Variants in IL21R observed in about 807,000 individuals in gnomAD.
IL21R encodes the protein interleukin-21 receptor.
In IL21R, 14 loss-of-function variants were observed where a neutral mutation model predicts 41.3. The observed-to-expected ratio is 0.34, with a 90% CI of 0.22 to 0.53. The LOEUF (loss-of-function observed/expected upper bound fraction) is 0.53, where lower values mean the gene tolerates loss of function less well. IL21R is among the 20% of genes least tolerant of loss of function. The pLI, the probability that IL21R is intolerant of heterozygous loss-of-function variation, is 0.94. For missense variants in IL21R, 588 were observed against 681.6 expected (o/e 0.86, Z 1.53); for synonymous variants, 286 against 287.6 (o/e 0.99, Z 0.05).
In IL21R at chr16:27,451,428, G is replaced by C. The variant is rs1030143733; in HGVS notation, c.*2145G>C. The C allele has an allele frequency of 2.7e-5, 6 of 221,548 alleles. No individual in the cohort carries two copies. Among genetic ancestry groups the C allele is most frequent in the Non-Finnish European group, 5.4e-5 (6 of 110,684 alleles). The allele number at this position is 221,548 out of a possible 1,614,324, so 13.7% of individuals were successfully genotyped here. On this transcript the variant is annotated 3_prime_UTR_variant, in exon 9 of 9. Coordinates refer to ENST00000337929, the MANE Select transcript of IL21R (RefSeq NM_181078.3). Reference sequence around the variant, plus strand: ...AAACACAGAGGAGCAAAGTTGGAGGGCCGGGCGTAGTGGCTCACACCTGTG... The same window carrying C: ...AAACACAGAGGAGCAAAGTTGGAGGCCCGGGCGTAGTGGCTCACACCTGTG...
chr16:27,422,034 TA>T (rs2087008105), intron 1 of IL21R, among the ~76,000 whole-genome samples: 1 of 152,098 alleles, frequency 6.6e-6, no homozygotes, highest in African/African-American at 2.4e-5. Context: ...ACCTTACTTT[TA>T]TTTTTTAAGA....
intron 1 of IL21R, among the ~76,000 whole-genome samples, chr16:27,407,103 C>A (rs977153371): frequency 3.3e-5 from 5 of 152,180 alleles, no homozygotes; most frequent in Non-Finnish European, 5.9e-5. Flanking sequence ...AAAGCAGGAC[C>A]TCTTAGGGGC....
chr16:27,413,872 T>C (rs1187929773), intron 1 of IL21R, among the ~76,000 whole-genome samples: 7 of 151,984 alleles, frequency 4.6e-5, no homozygotes, highest in African/African-American at 1.7e-4. Flanking sequence ...TCAATTTTGC[T>C]GATTGTTAGA....
intron 3 of IL21R, among the ~76,000 whole-genome samples, chr16:27,436,593 A>C (rs1016022127): frequency 6.6e-6 from 1 of 152,206 alleles, no homozygotes; most frequent in Non-Finnish European, 1.5e-5. Context: ...TAGGTAGGGA[A>C]ATTAATATCC....
intron 2 of IL21R, among the ~76,000 whole-genome samples, chr16:27,433,647 C>T (rs951721750): frequency 5.9e-5 from 9 of 152,106 alleles, no homozygotes; most frequent in Admixed American, 2.0e-4. Flanking sequence ...GTTTGGGGAG[C>T]AGGATGGAAA....
At chr16:27,412,891 A>G (rs529779434) in intron 1 of IL21R, among the ~76,000 whole-genome samples, 1 of 152,264 alleles carries the variant, frequency 6.6e-6, no homozygotes, top group Admixed American at 6.5e-5. Flanking sequence ...AGGGTTTCCT[A>G]CATATAAAAT....
At chr16:27,432,449 C>T (rs2087190946) in intron 2 of IL21R, among the ~76,000 whole-genome samples, 1 of 152,192 alleles carries the variant, frequency 6.6e-6, no homozygotes, top group African/African-American at 2.4e-5. Context: ...GGGGTACTGA[C>T]AGGGCATTTT....
At chr16:27,411,711 G>T (rs567304831) in intron 1 of IL21R, among the ~76,000 whole-genome samples, 1 of 151,956 alleles carries the variant, frequency 6.6e-6, no homozygotes, top group Non-Finnish European at 1.5e-5. Flanking sequence ...TGATTCGCCC[G>T]CCTCGGCCTC....
At chr16:27,421,996 T>C (rs1027107130) in intron 1 of IL21R, among the ~76,000 whole-genome samples, 6 of 152,116 alleles carry the variant, frequency 3.9e-5, no homozygotes, top group African/African-American at 1.4e-4. Flanking sequence ...TTAACTGTAA[T>C]ATTTTTATAG....
chr16:27,432,283 G>C (rs1355204798), intron 2 of IL21R, among the ~76,000 whole-genome samples: 1 of 152,242 alleles, frequency 6.6e-6, no homozygotes, highest in Non-Finnish European at 1.5e-5. Flanking sequence ...ACAGCCTCTA[G>C]GGCAAGCAGT....
At chr16:27,410,529 A>G (rs575599450) in intron 1 of IL21R, among the ~76,000 whole-genome samples, 4 of 152,334 alleles carry the variant, frequency 2.6e-5, no homozygotes, top group Non-Finnish European at 5.9e-5. Flanking sequence ...AGAAATAGCT[A>G]TCAAACCCAG....
At chr16:27,419,137 C>T (rs1245018731) in intron 1 of IL21R, among the ~76,000 whole-genome samples, 1 of 152,050 alleles carries the variant, frequency 6.6e-6, no homozygotes, top group Non-Finnish European at 1.5e-5. Context: ...ATCACTTGAA[C>T]CCGGGAAAAC....
At chr16:27,426,601 A>G (rs973452301) in intron 1 of IL21R, among the ~76,000 whole-genome samples, 1 of 152,270 alleles carries the variant, frequency 6.6e-6, no homozygotes, top group Non-Finnish European at 1.5e-5. Context: ...CAGGGCAGTC[A>G]GCCAGTAATG....
intron 1 of IL21R, among the ~76,000 whole-genome samples, chr16:27,418,011 A>ATTTATTTTATTTTAT (rs1171442663): frequency 0.017 from 1,680 of 97,884 alleles, 40 homozygotes; most frequent in African/African-American, 0.042. Flanking sequence ...TTCCTATTTT[A>ATTTATTTTATTTTAT]TTTATTTTAT....
chr16:27,445,939 G>C, intron 7 of IL21R, 68 bp from the exon 8 acceptor site: 1 of 1,235,080 alleles, frequency 8.1e-7, no homozygotes, highest in Non-Finnish European at 1.2e-6. Context: ...AAGCTGGGGA[G>C]CGTCCGAATG....
At chr16:27,407,991 C>T (rs189710194) in intron 1 of IL21R, among the ~76,000 whole-genome samples, 3 of 152,312 alleles carry the variant, frequency 2.0e-5, no homozygotes, top group East Asian at 1.9e-4. Context: ...GTTCACAATT[C>T]GTTTCCATAG....
rs538464237 is a variant in IL21R at position 27,451,285 on chromosome 16, G to A, written c.*2002G>A. 1 of 229,752 alleles carries A rather than the reference G, an allele frequency of 4.4e-6. No homozygotes were observed. The highest frequency in any genetic ancestry group is 5.7e-5 in the Admixed American group (1 of 17,682). The allele number at this position is 229,752 out of a possible 1,614,324, so 14.2% of individuals were successfully genotyped here. Reference sequence around the variant, plus strand: ...CACAGCTCTCCTGCACCCAGAGCTTGCTGGGTGGCGGAGGGGAACACAGAT... The same window carrying A: ...CACAGCTCTCCTGCACCCAGAGCTTACTGGGTGGCGGAGGGGAACACAGAT... On this transcript the variant is annotated 3_prime_UTR_variant, in exon 9 of 9. Coordinates refer to ENST00000337929, the MANE Select transcript of IL21R (RefSeq NM_181078.3).
intron 1 of IL21R, among the ~76,000 whole-genome samples, chr16:27,419,413 A>C (rs1217877524): frequency 1.3e-5 from 2 of 152,124 alleles, no homozygotes; most frequent in Non-Finnish European, 2.9e-5. Flanking sequence ...GACCTGCCTG[A>C]GGCTGTTTTA....
At chr16:27,445,662 G>A (rs1224815750) in intron 7 of IL21R, among the ~76,000 whole-genome samples, 3 of 152,180 alleles carry the variant, frequency 2.0e-5, no homozygotes, top group African/African-American at 7.2e-5. Flanking sequence ...GGGCCACTAG[G>A]TGGTGGTGAA....
Sources: gnomAD v4.1 joint callset for allele counts (sites outside exome capture counted in the v4.1 genomes callset) on GRCh38, gnomAD v4.1.1 for gene constraint, MANE v1.5 for transcripts, NCBI Gene and HGNC (gene_info 2026-07-23, HGNC 2026-07-21) for gene names.